Variants in HDAC9 observed in about 807,000 individuals in gnomAD.
HDAC9 encodes the protein histone deacetylase 9.
Under a neutral mutation model 139.4 loss-of-function variants are expected in HDAC9, and 41 were observed. The observed-to-expected ratio is 0.29, with a 90% CI of 0.23 to 0.38. The LOEUF is 0.38. Ranked by LOEUF, HDAC9 falls within the 10% of genes least tolerant of loss-of-function variation. The pLI is 1.00. For missense variants in HDAC9, 1,147 were observed against 1,297.0 expected (o/e 0.88, Z 1.78); for synonymous variants, 517 against 476.2 (o/e 1.09, Z -1.12).
chr7:18,374,650 G>T (rs577723630), intron 1 of HDAC9, among the ~76,000 whole-genome samples: 52 of 151,936 alleles, frequency 3.4e-4, no homozygotes, highest in Non-Finnish European at 2.5e-4. Flanking sequence ...TGGGACCACT[G>T]TATATGTGTT....
At chr7:18,869,706 AC>A (rs1798771657) in intron 21 of HDAC9, among the ~76,000 whole-genome samples, 1 of 151,998 alleles carries the variant, frequency 6.6e-6, no homozygotes, top group Non-Finnish European at 1.5e-5. Context: ...AAAAGCACCC[AC>A]CTTTGATCAC....
At chr7:18,287,768 A>G (rs1054289920), upstream of HDAC9, among the ~76,000 whole-genome samples, 5 of 152,202 alleles carry the variant, frequency 3.3e-5, no homozygotes, top group Admixed American at 2.6e-4. Flanking sequence ...GTGCTTTTCA[A>G]TGAGGCTGTA....
intron 2 of HDAC9, among the ~76,000 whole-genome samples, chr7:18,165,858 A>G (rs935655522): frequency 1.3e-5 from 2 of 152,006 alleles, no homozygotes; most frequent in African/African-American, 2.4e-5. Flanking sequence ...GAAGGCAATA[A>G]TTTGAGGGGA....
At chr7:18,792,125 T>C (rs1792367647) in intron 16 of HDAC9, among the ~76,000 whole-genome samples, 1 of 152,180 alleles carries the variant, frequency 6.6e-6, no homozygotes, top group South Asian at 2.1e-4. Context: ...TTGGTAGTAT[T>C]TAAGTGTGTA....
At chr7:18,740,266 TGG>T (rs770010215) in intron 13 of HDAC9, among the ~76,000 whole-genome samples, 3 of 152,154 alleles carry the variant, frequency 2.0e-5, no homozygotes, top group Non-Finnish European at 4.4e-5. Context: ...TCGCCCTCCG[TGG>T]GCTGCACCCA....
intron 1 of HDAC9, among the ~76,000 whole-genome samples, chr7:18,406,883 A>G (rs1788061768): frequency 6.6e-6 from 1 of 152,094 alleles, no homozygotes; most frequent in South Asian, 2.1e-4. Context: ...ATACACATAA[A>G]GATGTATTGC....
At chr7:18,677,186 A>G (rs187875130) in intron 12 of HDAC9, among the ~76,000 whole-genome samples, 38 of 151,902 alleles carry the variant, frequency 2.5e-4, no homozygotes, top group Admixed American at 2.2e-3. Flanking sequence ...TTCTGACACT[A>G]TATATTAGTT....
intron 24 of HDAC9, among the ~76,000 whole-genome samples, chr7:18,968,958 C>CAAA (rs34379636): frequency 0.11 from 5,014 of 45,092 alleles, 713 homozygotes; most frequent in East Asian, 0.51. Context: ...GCCTCCCTCT[C>CAAA]AAAAAAAAAA....
chr7:18,795,257 T>TAAAAAAAAAAAAAAAAAAAAAAAA (rs5882676), intron 17 of HDAC9, among the ~76,000 whole-genome samples: 1 of 65,482 alleles, frequency 1.5e-5, no homozygotes, highest in South Asian at 6.2e-4. Context: ...AAGAAAACAG[T>TAAAAAAAAAAAAAAAAAAAAAAAA]AAAAAAAAAA....
intron 2 of HDAC9, among the ~76,000 whole-genome samples, chr7:18,554,230 G>T (rs980742985): frequency 6.7e-6 from 1 of 149,044 alleles, no homozygotes; most frequent in Admixed American, 6.7e-5. Flanking sequence ...TCGAAACTAT[G>T]TTAAAGGAAT....
intron 2 of HDAC9, among the ~76,000 whole-genome samples, chr7:18,277,896 A>G (rs541109432): frequency 1.1e-3 from 161 of 152,328 alleles, no homozygotes; most frequent in African/African-American, 3.7e-3. Context: ...TAATTTAACT[A>G]TCCCAGAGAT....
intron 3 of HDAC9, among the ~76,000 whole-genome samples, chr7:18,588,781 T>TC (rs1330120335): frequency 2.0e-5 from 3 of 152,168 alleles, no homozygotes; most frequent in African/African-American, 7.2e-5. Flanking sequence ...GGGTCTTTTT[T>TC]CCCATGGTGA....
At chr7:18,146,424 A>G (rs892507353) in intron 1 of HDAC9, among the ~76,000 whole-genome samples, 2 of 152,156 alleles carry the variant, frequency 1.3e-5, no homozygotes, top group African/African-American at 4.8e-5. Flanking sequence ...TTGGTCAGGA[A>G]AACAACAAAG....
chr7:18,842,317 C>T (rs533613692), intron 21 of HDAC9, among the ~76,000 whole-genome samples: 10 of 152,192 alleles, frequency 6.6e-5, no homozygotes, highest in African/African-American at 2.4e-4. Context: ...GCCCTACTAC[C>T]ATCTTTCCCA....
chr7:18,809,536 T>G (rs188578525), intron 17 of HDAC9, among the ~76,000 whole-genome samples: 1 of 152,038 alleles, frequency 6.6e-6, no homozygotes, highest in East Asian at 1.9e-4. Flanking sequence ...GCAAAGAACT[T>G]GAATAAACAT....
At chr7:18,870,591 T>C (rs1798839600) in intron 21 of HDAC9, among the ~76,000 whole-genome samples, 1 of 152,150 alleles carries the variant, frequency 6.6e-6, no homozygotes, top group African/African-American at 2.4e-5. Flanking sequence ...TTTTAGTACC[T>C]TGGAGAAGAT....
chr7:18,993,238 A>G (rs1229030625), intron 25 of HDAC9, among the ~76,000 whole-genome samples: 2 of 149,128 alleles, frequency 1.3e-5, no homozygotes, highest in African/African-American at 2.5e-5. Flanking sequence ...TAAATAATCC[A>G]GTTATTTTAC....
chr7:18,617,722 A>G (rs1337879619), intron 6 of HDAC9, among the ~76,000 whole-genome samples: 1 of 152,146 alleles, frequency 6.6e-6, no homozygotes, highest in African/African-American at 2.4e-5. Flanking sequence ...TCTTTAGCCT[A>G]TTTATTATTG....
At chr7:18,644,599 C>T (rs1328493738) in intron 8 of HDAC9, 72 bp from the exon 9 acceptor site, 1 of 1,349,276 alleles carries the variant, frequency 7.4e-7, no homozygotes, top group African/African-American at 1.5e-5. Flanking sequence ...GACCCATTTT[C>T]TGAAATGAGA....
Sources: gnomAD v4.1 joint callset for allele counts (sites outside exome capture counted in the v4.1 genomes callset) on GRCh38, gnomAD v4.1.1 for gene constraint, MANE v1.5 for transcripts, NCBI Gene and HGNC (gene_info 2026-07-23, HGNC 2026-07-21) for gene names.